Variants in SH2D4B observed in about 807,000 individuals in gnomAD.
The protein encoded by SH2D4B is SH2 domain-containing protein 4B.
SH2D4B carries 45 observed loss-of-function variants against 61.5 expected under a neutral mutation model. The ratio of observed to expected loss-of-function variants is 0.73; its 90% CI spans 0.58 to 0.94. The LOEUF (loss-of-function observed/expected upper bound fraction) is 0.94. Ranked by LOEUF, SH2D4B falls within the 40% of genes least tolerant of loss-of-function variation. The probability of loss-of-function intolerance (pLI) is 0.00; values close to 1 mark genes in which losing one functional copy is unlikely to be tolerated. For missense variants in SH2D4B, 572 were observed against 574.2 expected (o/e 1.00, Z 0.04); for synonymous variants, 224 against 220.4 (o/e 1.02, Z -0.14).
chr10:80,610,828 T>C (rs762813364), intron 6 of SH2D4B, among the ~76,000 whole-genome samples: 2 of 152,084 alleles, frequency 1.3e-5, no homozygotes, highest in Non-Finnish European at 2.9e-5. Context: ...TGGGAGTTGG[T>C]TCAGACTTTA....
chr10:80,540,012 C>T (rs921848312), intron 1 of SH2D4B, among the ~76,000 whole-genome samples: 2 of 152,238 alleles, frequency 1.3e-5, no homozygotes, highest in South Asian at 4.2e-4. Context: ...ATGATGCCTG[C>T]ATGATGACTC....
Position 80,538,747 on chromosome 10 carries a change from G to A in SH2D4B, c.184+232G>A, listed in dbSNP as rs1421732757. ...AGGCTGTCCAGCGGCCCTTATTGGA[G>A]TCGGGGAGTTGGGACTTGCTTTGTC... On this transcript the variant is annotated intron_variant, in intron 1 of 7. Transcript: ENST00000646907. This position sits in a 1 kb window ranked among gnomAD's most constrained non-coding sequence, Gnocchi z 4.8. Among the ~76,000 whole-genome samples, 1 of 152,218 alleles carries A rather than the reference G, an allele frequency of 6.6e-6. No individual in the cohort carries two copies. Among genetic ancestry groups the A allele is most frequent in the Non-Finnish European group, 1.5e-5 (1 of 68,034 alleles).
chr10:80,550,077 G>T (rs1482899534), intron 1 of SH2D4B, among the ~76,000 whole-genome samples: 1 of 152,104 alleles, frequency 6.6e-6, no homozygotes, highest in Non-Finnish European at 1.5e-5. Context: ...GTGGGGAGCG[G>T]GGGGTGGGGG....
intron 6 of SH2D4B, among the ~76,000 whole-genome samples, chr10:80,623,660 C>A (rs951271214): frequency 6.6e-6 from 1 of 152,154 alleles, no homozygotes; most frequent in Non-Finnish European, 1.5e-5. Flanking sequence ...GATGTTGCTG[C>A]CCCTGTAGCC....
intron 6 of SH2D4B, among the ~76,000 whole-genome samples, chr10:80,612,198 T>TTTTTTTTTTTTTTTTTTTC (rs59848195): frequency 1.6e-5 from 2 of 125,206 alleles, no homozygotes; most frequent in Admixed American, 9.1e-5. Context: ...TTTTTTTTTT[T>TTTTTTTTTTTTTTTTTTTC]CAACTTTACT....
At chr10:80,636,974 A>G (rs1026806724) in intron 7 of SH2D4B, among the ~76,000 whole-genome samples, 3 of 152,210 alleles carry the variant, frequency 2.0e-5, no homozygotes, top group Non-Finnish European at 4.4e-5. Flanking sequence ...TATAAGGTAT[A>G]AGGAAGGGAT....
chr10:80,557,067 C>G (rs1841847578), intron 1 of SH2D4B, among the ~76,000 whole-genome samples: 2 of 152,032 alleles, frequency 1.3e-5, no homozygotes, highest in South Asian at 4.1e-4. Flanking sequence ...AGGAACTACC[C>G]TCTATTTCTA....
At chr10:80,574,237 A>G (rs962424415) in intron 3 of SH2D4B, among the ~76,000 whole-genome samples, 1 of 152,144 alleles carries the variant, frequency 6.6e-6, no homozygotes, top group African/African-American at 2.4e-5. Flanking sequence ...CCTGGGCTTA[A>G]GTGATCCTCC....
chr10:80,634,561 T>C, intron 7 of SH2D4B, 56 bp downstream of exon 7: 1 of 1,536,706 alleles, frequency 6.5e-7, no homozygotes, highest in Non-Finnish European at 8.8e-7. Flanking sequence ...AAATTGGAGC[T>C]GAAGAGAGAG....
chr10:80,567,614 A>G (rs546616004), intron 1 of SH2D4B, among the ~76,000 whole-genome samples: 2 of 152,340 alleles, frequency 1.3e-5, no homozygotes, highest in East Asian at 1.9e-4. Flanking sequence ...AGGAAATGCC[A>G]CCTGGAAAAG....
intron 2 of SH2D4B, 57 bp from the exon 3 acceptor site, chr10:80,571,374 G>T (rs1314321954): frequency 1.2e-5 from 18 of 1,562,288 alleles, no homozygotes; most frequent in Non-Finnish European, 1.4e-5. Context: ...AAGTTCTATT[G>T]TTAGGTGGTC....
intron 3 of SH2D4B, among the ~76,000 whole-genome samples, chr10:80,581,443 A>G (rs535770801): frequency 4.6e-5 from 7 of 152,316 alleles, no homozygotes; most frequent in African/African-American, 1.7e-4. Context: ...TCAGAATGTA[A>G]CTATATTTGG....
At chr10:80,571,063 C>T (rs953169660) in intron 2 of SH2D4B, among the ~76,000 whole-genome samples, 12 of 151,894 alleles carry the variant, frequency 7.9e-5, no homozygotes, top group Non-Finnish European at 1.6e-4. Flanking sequence ...TTAGTAGAGA[C>T]GGTGTCACAC....
chr10:80,550,662 C>T (rs1841748406), intron 1 of SH2D4B, among the ~76,000 whole-genome samples: 1 of 152,130 alleles, frequency 6.6e-6, no homozygotes. Flanking sequence ...AACTATGATA[C>T]ATCAATGGTT....
chr10:80,601,842 G>T (rs775448088), intron 4 of SH2D4B, among the ~76,000 whole-genome samples: 1 of 152,202 alleles, frequency 6.6e-6, no homozygotes, highest in Admixed American at 6.5e-5. Context: ...GTCTTGAGTG[G>T]CACTGGAGTA....
chr10:80,588,938 G>A (rs1439114635), intron 4 of SH2D4B, among the ~76,000 whole-genome samples, 161 bp downstream of exon 4: 1 of 152,118 alleles, frequency 6.6e-6, no homozygotes, highest in Non-Finnish European at 1.5e-5. Flanking sequence ...AATTTAGAGG[G>A]TAAGTTAGGC....
chr10:80,640,239 C>T (rs1476377216), intron 7 of SH2D4B, among the ~76,000 whole-genome samples: 1 of 152,186 alleles, frequency 6.6e-6, no homozygotes, highest in Non-Finnish European at 1.5e-5. Context: ...TTCATTTCAA[C>T]CTTGGTGAAT....
At chr10:80,608,785 A>G (rs747377606) in intron 5 of SH2D4B, among the ~76,000 whole-genome samples, 1 of 151,604 alleles carries the variant, frequency 6.6e-6, no homozygotes, top group African/African-American at 2.4e-5. Context: ...CATAGTTTTT[A>G]TTTTCTGGGC....
At chr10:80,634,222 A>C (rs1321013569) in intron 6 of SH2D4B, 63 bp from the exon 7 acceptor site, 1 of 1,469,052 alleles carries the variant, frequency 6.8e-7, no homozygotes, top group East Asian at 2.5e-5. Context: ...AGGAGTGGAG[A>C]ATCGTGGGGG....
Sources: gnomAD v4.1 joint callset for allele counts (sites outside exome capture counted in the v4.1 genomes callset) on GRCh38, gnomAD v4.1.1 for gene constraint, Gnocchi (gnomAD v3.1) non-coding constraint, MANE v1.5 for transcripts, NCBI Gene and HGNC (gene_info 2026-07-23, HGNC 2026-07-21) for gene names.